Variants in FZD1 observed in about 807,000 individuals in gnomAD.
FZD1 encodes frizzled class receptor 1.
FZD1 carries 22 observed loss-of-function variants against 48.0 expected under a neutral mutation model. That is an observed-to-expected ratio of 0.46 (90% confidence interval 0.33 to 0.65). The LOEUF (loss-of-function observed/expected upper bound fraction) is 0.65. Ranked by LOEUF, FZD1 falls within the 30% of genes least tolerant of loss-of-function variation. The probability of loss-of-function intolerance (pLI) is 0.02; values close to 1 mark genes in which losing one functional copy is unlikely to be tolerated. For missense variants in FZD1, 843 were observed against 898.1 expected, an observed-to-expected ratio of 0.94 and a Z score of 0.78; for synonymous variants, 486 against 409.6, an observed-to-expected ratio of 1.19 and a Z score of -2.25.
rs772286470 is a variant in FZD1 at position 91,266,530 on chromosome 7, C to T, written c.1650C>T (p.Ile550=). ...FSVLYTVPAT[I]VIACYFYEQA... ...TGCTGTACACTGTGCCAGCCACCAT[C>T]GTCATCGCCTGCTACTTCTACGAGC... Residue 550 remains isoleucine (I), a synonymous_variant, in exon 1 of 1, where the codon ATC becomes ATT. Coordinates refer to ENST00000287934, the MANE Select transcript of FZD1 (RefSeq NM_003505.2). The surrounding 1 kb of genome is among the most constrained non-coding windows in gnomAD (Gnocchi z 6.8). 19 of 1,613,942 alleles carry T rather than the reference C, an allele frequency of 1.2e-5. No individual in the cohort carries two copies. The highest frequency in any genetic ancestry group is 1.2e-4 in the Admixed American group (7 of 60,012).
Position 91,267,333 on chromosome 7 carries a change from G to C in FZD1, c.*509G>C, listed in dbSNP as rs1563008741. ...GGGACGGCTGGGCGCCAGCTCCGGG[G>C]CGAGTTCAGCACTGCGGGGTGCGAC... On this transcript the variant is annotated 3_prime_UTR_variant, in exon 1 of 1. Coordinates refer to ENST00000287934, the MANE Select transcript of FZD1 (RefSeq NM_003505.2). 5.9e-6 allele frequency: 1 copy of C among 168,586 alleles called. No homozygotes were observed. Among genetic ancestry groups the C allele is most frequent in the Non-Finnish European group, 1.4e-5 (1 of 69,626 alleles). 10.4% of individuals were successfully genotyped at this position (168,586 alleles called of 1,614,324 possible). A position where few individuals can be genotyped will look rare whatever the true frequency, so the allele number is the denominator to read the frequency against.
chr7:91,266,735 T>A lies in FZD1; in HGVS notation c.1855T>A (p.Phe619Ile), dbSNP rs1386119970. 6.2e-7 allele frequency: 1 copy of A among 1,612,364 alleles called. No individual in the cohort carries two copies. Among genetic ancestry groups the A allele is most frequent in the African/African-American group, 1.3e-5 (1 of 74,844 alleles). The change falls in exon 1 of 1, where the codon TTC becomes ATC. Residue 619 changes from phenylalanine (F) to isoleucine (I), a missense_variant. Around this residue, in one of 2 missense-constraint regions of FZD1, gnomAD observed 353 missense variants for 431.6 expected, o/e 0.82. Transcript: ENST00000287934. The surrounding 1 kb of genome is among the most constrained non-coding windows in gnomAD (Gnocchi z 6.8). Reference protein sequence around the residue: ...MTLIVGITSGFWIWSGKTLNS... With the variant: ...MTLIVGITSGIWIWSGKTLNS... ...GCTGATCGTGGGCATCACGTCGGGC[T>A]TCTGGATCTGGTCCGGCAAGACCCT...
In FZD1 at chr7:91,266,526, C is replaced by T. The variant is rs1803883706; in HGVS notation, c.1646C>T (p.Thr549Ile). 6.2e-7 allele frequency: 1 copy of T among 1,614,052 alleles called. No individual in the cohort carries two copies. The highest frequency in any genetic ancestry group is 8.5e-7 in the Non-Finnish European group (1 of 1,180,024). Residue 549 changes from threonine to isoleucine, a missense_variant, in exon 1 of 1, where the codon ACC becomes ATC. Coordinates refer to ENST00000287934, the MANE Select transcript of FZD1 (RefSeq NM_003505.2). The surrounding 1 kb of genome is among the most constrained non-coding windows in gnomAD (Gnocchi z 6.8). ...VFSVLYTVPA[T>I]IVIACYFYEQ... ...AGCGTGCTGTACACTGTGCCAGCCA[C>T]CATCGTCATCGCCTGCTACTTCTAC...
Position 91,264,822 on chromosome 7 carries a change from C to T in FZD1, c.-59C>T. 3.3e-6 allele frequency: 4 copies of T among 1,225,376 alleles called. No individual in the cohort carries two copies. Among genetic ancestry groups the T allele is most frequent in the South Asian group, 3.1e-5 (1 of 32,508 alleles). The allele number at this position is 1,225,376 out of a possible 1,614,324, so 75.9% of individuals were successfully genotyped here. A position where few individuals can be genotyped will look rare whatever the true frequency, so the allele number is the denominator to read the frequency against. On this transcript the variant is annotated 5_prime_UTR_variant, in exon 1 of 1. Coordinates refer to ENST00000287934, the MANE Select transcript of FZD1 (RefSeq NM_003505.2). ...TCTCCCTGGCCGCAGGGGGAGCCGC[C>T]GCCGGCCGTGCCCCTGGCAGCCCCA... is the stretch of plus-strand genomic sequence containing the variant.
Position 91,265,021 on chromosome 7 carries a change from C to G in FZD1, c.141C>G (p.Asp47Glu). The G allele has an allele frequency of 7.1e-7, 1 of 1,409,932 alleles. No individual in the cohort carries two copies. Among genetic ancestry groups the G allele is most frequent in the Non-Finnish European group, 9.2e-7 (1 of 1,082,560 alleles). 87.3% of individuals were successfully genotyped at this position (1,409,932 alleles called of 1,614,324 possible). A position where few individuals can be genotyped will look rare whatever the true frequency, so the allele number is the denominator to read the frequency against. ...GTGGCCGCCGCCGCCCGCCAGTTGACCCCCGGCGATTGGCGCGCCAGCTGC... is the reference window on the plus strand; with the variant it reads ...GTGGCCGCCGCCGCCCGCCAGTTGAGCCCCGGCGATTGGCGCGCCAGCTGC... Reference protein sequence around the residue: ...DAGGRRRPPVDPRRLARQLLL... With the variant: ...DAGGRRRPPVEPRRLARQLLL... The change falls in exon 1 of 1, where the codon GAC (aspartate) becomes GAG (glutamate). Residue 47 changes from aspartate to glutamate, a missense_variant. By Grantham distance (45) the Asp-to-Glu change is conservative. Coordinates refer to ENST00000287934, the MANE Select transcript of FZD1 (RefSeq NM_003505.2). This position sits in a 1 kb window ranked among gnomAD's most constrained non-coding sequence, Gnocchi z 6.9.
Position 91,264,631 on chromosome 7 carries a change from A to G in FZD1, c.-250A>G, listed in dbSNP as rs1449977784. 7.8e-6 allele frequency: 3 copies of G among 382,630 alleles called. No homozygotes were observed. Among genetic ancestry groups the G allele is most frequent in the African/African-American group, 2.1e-5 (1 of 47,908 alleles). The allele number at this position is 382,630 out of a possible 1,614,324, so 23.7% of individuals were successfully genotyped here. A position where few individuals can be genotyped will look rare whatever the true frequency, so the allele number is the denominator to read the frequency against. ...GGAGCCAGCGAGCCGAGGGCCAGGA[A>G]GGCGGGACACGACCCCGGCGCGCCC... On this transcript the variant is annotated 5_prime_UTR_variant, in exon 1 of 1. Coordinates refer to ENST00000287934, the MANE Select transcript of FZD1 (RefSeq NM_003505.2).
Position 91,266,705 on chromosome 7 carries a change from A to C in FZD1, c.1825A>C (p.Met609Leu). The C allele has an allele frequency of 1.2e-6, 2 of 1,613,472 alleles. No homozygotes were observed. The highest frequency in any genetic ancestry group is 1.7e-6 in the Non-Finnish European group (2 of 1,179,826). The change falls in exon 1 of 1, where the codon ATG becomes CTG. Residue 609 changes from methionine to leucine, a missense_variant. Physicochemically the swap from Met to Leu is conservative, Grantham distance 15 (BLOSUM62 2). Around this residue, in one of 2 missense-constraint regions of FZD1, gnomAD observed 353 missense variants for 431.6 expected, o/e 0.82. Coordinates refer to ENST00000287934, the MANE Select transcript of FZD1 (RefSeq NM_003505.2). This position sits in a 1 kb window ranked among gnomAD's most constrained non-coding sequence, Gnocchi z 6.8. ...CACGGTCTTCATGATTAAGTACCTTATGACGCTGATCGTGGGCATCACGTC... is the reference window on the plus strand; with the variant it reads ...CACGGTCTTCATGATTAAGTACCTTCTGACGCTGATCGTGGGCATCACGTC... The part of the protein sequence containing the change: ...DFTVFMIKYL[M>L]TLIVGITSGF...
rs1378730456 is a variant in FZD1, at chr7:91,264,855, G to T, written c.-26G>T. The T allele has an allele frequency of 1.6e-6, 2 of 1,271,000 alleles. No individual in the cohort carries two copies. The highest frequency in any genetic ancestry group is 2.8e-5 in the South Asian group (1 of 36,212). The allele number at this position is 1,271,000 out of a possible 1,614,324, so 78.7% of individuals were successfully genotyped here. ...GTGCCCCTGGCAGCCCCAGCGGAGC[G>T]GCGCCAAGAGAGGAGCCGAGAAAGT... On this transcript the variant is annotated 5_prime_UTR_variant, in exon 1 of 1. Transcript: ENST00000287934.
rs1385371562 is a variant in FZD1 at position 91,267,973 on chromosome 7, C to G, written c.*1149C>G. On this transcript the variant is annotated 3_prime_UTR_variant, in exon 1 of 1. Coordinates refer to ENST00000287934, the MANE Select transcript of FZD1 (RefSeq NM_003505.2). Reference sequence around the variant, plus strand: ...CAGCCTGCGCTTAGATTTTACCGGTCTGTAAAATGGAAATGTTGAGGTCAC... The same window carrying G: ...CAGCCTGCGCTTAGATTTTACCGGTGTGTAAAATGGAAATGTTGAGGTCAC... 4.2e-4 allele frequency: 70 copies of G among 167,018 alleles called. No individual in the cohort carries two copies. The Admixed American group carries it at 4.5e-3, about 11-fold the overall frequency. 10.3% of individuals were successfully genotyped at this position (167,018 alleles called of 1,614,324 possible). A position where few individuals can be genotyped will look rare whatever the true frequency, so the allele number is the denominator to read the frequency against.
In FZD1 at chr7:91,268,391, C is replaced by T. The variant is rs1471618285; in HGVS notation, c.*1567C>T. The T allele has an allele frequency of 6.0e-6, 1 of 167,078 alleles. No homozygotes were observed. Among genetic ancestry groups the T allele is most frequent in the Admixed American group, 6.5e-5 (1 of 15,284 alleles). 10.3% of individuals were successfully genotyped at this position (167,078 alleles called of 1,614,324 possible). ...ACTGCATTAAATCCTGTGTGCTCCT[C>T]TTTTGGATTTACAGAAATGTGTCAA... is the stretch of plus-strand genomic sequence containing the variant. On this transcript the variant is annotated 3_prime_UTR_variant, in exon 1 of 1. Transcript: ENST00000287934.
chr7:91,265,652 C>A lies in FZD1; in HGVS notation c.772C>A (p.His258Asn). Residue 258 changes from histidine (H) to asparagine (N), a missense_variant, in exon 1 of 1, where the codon CAC (histidine) becomes AAC (asparagine). By Grantham distance (68) the His-to-Asn change is moderately conservative. Transcript: ENST00000287934. The surrounding 1 kb of genome is among the most constrained non-coding windows in gnomAD (Gnocchi z 6.9). ...CAACCCTCAGCACGGCGGCGGAGGG[C>A]ACCGTGGCGGCTTCCCGGGGGGCGC... ...TSNPQHGGGG[H>N]RGGFPGGAGA... 6.4e-7 allele frequency: 1 copy of A among 1,566,646 alleles called. No individual in the cohort carries two copies. Among genetic ancestry groups the A allele is most frequent in the South Asian group, 1.2e-5 (1 of 86,520 alleles).
rs1235656521 is a variant in FZD1, at chr7:91,270,726, A to G, written c.*3902A>G. 1 of 166,226 alleles carries G rather than the reference A, an allele frequency of 6.0e-6. No homozygotes were observed. Among genetic ancestry groups the G allele is most frequent in the African/African-American group, 2.4e-5 (1 of 41,458 alleles). 10.3% of individuals were successfully genotyped at this position (166,226 alleles called of 1,614,324 possible). The stretch of plus-strand genomic sequence containing the variant: ...TTGACTATTGGCCACAATTTATATA[A>G]TGCACATGCAATTAATTGAAACCTG... On this transcript the variant is annotated 3_prime_UTR_variant, in exon 1 of 1. Transcript: ENST00000287934.
chr7:91,264,437 C>G lies in FZD1; in HGVS notation c.-444C>G, dbSNP rs1029029184. The G allele has an allele frequency of 1.4e-4, 29 of 210,892 alleles. No individual in the cohort carries two copies. The highest frequency in any genetic ancestry group is 6.5e-4 in the African/African-American group (28 of 43,276). The allele number at this position is 210,892 out of a possible 1,614,324, so 13.1% of individuals were successfully genotyped here. On this transcript the variant is annotated 5_prime_UTR_variant, in exon 1 of 1. Transcript: ENST00000287934. ...ACTACGGGGCGCCTGGAAACCGGTCCGAGGGCGCGCGAGGCAGAGGAGAGG... is the reference window on the plus strand; with the variant it reads ...ACTACGGGGCGCCTGGAAACCGGTCGGAGGGCGCGCGAGGCAGAGGAGAGG...
In FZD1 at chr7:91,266,713, G is replaced by A. The variant is rs1380948379; in HGVS notation, c.1833G>A (p.Leu611=). The A allele has an allele frequency of 6.2e-7, 1 of 1,613,284 alleles. No individual in the cohort carries two copies. Among genetic ancestry groups the A allele is most frequent in the Non-Finnish European group, 8.5e-7 (1 of 1,179,700 alleles). ...TCATGATTAAGTACCTTATGACGCTGATCGTGGGCATCACGTCGGGCTTCT... is the reference window on the plus strand; with the variant it reads ...TCATGATTAAGTACCTTATGACGCTAATCGTGGGCATCACGTCGGGCTTCT... ...TVFMIKYLMT[L]IVGITSGFWI... The change falls in exon 1 of 1, where the codon CTG becomes CTA. Residue 611 remains leucine, a synonymous_variant. Transcript: ENST00000287934. This position sits in a 1 kb window ranked among gnomAD's most constrained non-coding sequence, Gnocchi z 6.8.
In FZD1 at chr7:91,269,009, T is replaced by G. The variant is rs537873387; in HGVS notation, c.*2185T>G. The G allele has an allele frequency of 3.6e-5, 6 of 166,582 alleles. No individual in the cohort carries two copies. In the South Asian group the frequency reaches 1.2e-3, roughly 35 times the overall value. The allele number at this position is 166,582 out of a possible 1,614,324, so 10.3% of individuals were successfully genotyped here. A position where few individuals can be genotyped will look rare whatever the true frequency, so the allele number is the denominator to read the frequency against. Reference sequence around the variant, plus strand: ...TAAAAGAGAACTCTAATTTTAATATTAAAGCTTTCTTTTCTTTCAGGGAAT... The same window carrying G: ...TAAAAGAGAACTCTAATTTTAATATGAAAGCTTTCTTTTCTTTCAGGGAAT... On this transcript the variant is annotated 3_prime_UTR_variant, in exon 1 of 1. Coordinates refer to ENST00000287934, the MANE Select transcript of FZD1 (RefSeq NM_003505.2).
Position 91,266,629 on chromosome 7 carries a change from C to A in FZD1, c.1749C>A (p.His583Gln). ...AGAGCTACGCTATCCCCTGCCCTCACCTCCAGGCGGGCGGAGGCGCCCCGC... is the reference window on the plus strand; with the variant it reads ...AGAGCTACGCTATCCCCTGCCCTCAACTCCAGGCGGGCGGAGGCGCCCCGC... ...SCKSYAIPCP[H>Q]LQAGGGAPPH... Residue 583 changes from histidine (H) to glutamine (Q), a missense_variant, in exon 1 of 1, where the codon CAC (histidine) becomes CAA (glutamine). By Grantham distance (24) the His-to-Gln change is conservative. This residue lies in a region of FZD1 where 353 missense variants were observed against 431.6 expected (regional missense o/e 0.82). Transcript: ENST00000287934. The surrounding 1 kb of genome is among the most constrained non-coding windows in gnomAD (Gnocchi z 6.8). 1 of 1,613,146 alleles carries A rather than the reference C, an allele frequency of 6.2e-7. No individual in the cohort carries two copies. Among genetic ancestry groups the A allele is most frequent in the Non-Finnish European group, 8.5e-7 (1 of 1,179,910 alleles).
chr7:91,265,697 A>AAGTTCTCCTGCCCGCGCGCCC lies in FZD1; in HGVS notation c.818_838dup (p.Ala279_Leu280insGlnPheSerCysProArgAla), dbSNP rs1803867008. On this transcript the variant is annotated inframe_insertion, in exon 1 of 1. Coordinates refer to ENST00000287934, the MANE Select transcript of FZD1 (RefSeq NM_003505.2). The surrounding 1 kb of genome is among the most constrained non-coding windows in gnomAD (Gnocchi z 6.9). ...GGGCGCCGGCGCGTCGGAGCGAGGC[A>AAGTTCTCCTGCCCGCGCGCCC]AGTTCTCCTGCCCGCGCGCCCTCAA... 3.8e-6 allele frequency: 6 copies of AAGTTCTCCTGCCCGCGCGCCC among 1,597,558 alleles called. No homozygotes were observed. The highest frequency in any genetic ancestry group is 5.1e-6 in the Non-Finnish European group (6 of 1,173,106).
At position 91,265,249 on chromosome 7, in the gene FZD1, G is replaced by T. The variant is rs1222755613; in HGVS notation, c.369G>T (p.Leu123=). 1 of 1,614,002 alleles carries T rather than the reference G, an allele frequency of 6.2e-7. No individual in the cohort carries two copies. Among genetic ancestry groups the T allele is most frequent in the Non-Finnish European group, 8.5e-7 (1 of 1,179,980 alleles). The part of the protein sequence containing the change: ...HGYCQPISIP[L]CTDIAYNQTI... ...ATTGCCAGCCCATCTCCATCCCGCT[G>T]TGCACGGACATCGCGTACAACCAGA... The change falls in exon 1 of 1, where the codon CTG becomes CTT. Residue 123 remains leucine, a synonymous_variant. Transcript: ENST00000287934. The surrounding 1 kb of genome is among the most constrained non-coding windows in gnomAD (Gnocchi z 6.9).
At position 91,265,939 on chromosome 7, in the gene FZD1, G is replaced by T. The variant is rs1317169457; in HGVS notation, c.1059G>T (p.Arg353=). The change falls in exon 1 of 1, where the codon CGG becomes CGT. Residue 353 remains arginine, a synonymous_variant. Coordinates refer to ENST00000287934, the MANE Select transcript of FZD1 (RefSeq NM_003505.2). The surrounding 1 kb of genome is among the most constrained non-coding windows in gnomAD (Gnocchi z 6.9). Reference sequence around the variant, plus strand: ...TGCGGCGCTTCAGCTACCCGGAGCGGCCCATCATCTTCTTGTCCGGCTGTT... The same window carrying T: ...TGCGGCGCTTCAGCTACCCGGAGCGTCCCATCATCTTCTTGTCCGGCTGTT... ...VDMRRFSYPE[R]PIIFLSGCYT... 1.2e-6 allele frequency: 2 copies of T among 1,614,180 alleles called. No homozygotes were observed. The highest frequency in any genetic ancestry group is 1.6e-4 in the Middle Eastern group (1 of 6,062).
Sources: allele counts gnomAD v4.1 joint callset, GRCh38; gene constraint gnomAD v4.1.1; regional missense constraint gnomAD v4.1.1; non-coding constraint Gnocchi (gnomAD v3.1); transcripts MANE v1.5; gene names NCBI Gene and HGNC (gene_info 2026-07-23, HGNC 2026-07-21).